The following LRRC7 variants were observed in gnomAD, a reference collection of about 807,000 sequenced individuals.
The protein encoded by LRRC7 is leucine rich repeat containing 7.
LRRC7 carries 23 observed loss-of-function variants against 175.7 expected under a neutral mutation model. That is an observed-to-expected ratio of 0.13 (90% CI 0.09 to 0.19). LRRC7 has a LOEUF of 0.19. Among genes scored for constraint, LRRC7 ranks in the 10% least tolerant of loss-of-function variants. LRRC7 has a pLI of 1.00. For synonymous variants in LRRC7, 685 were observed against 680.9 expected, an observed-to-expected ratio of 1.01 and a Z score of -0.09; for missense variants, 1,354 against 1,904.7, an observed-to-expected ratio of 0.71 and a Z score of 5.38.
chr1:70,022,870 A>G (rs1473635005), intron 16 of LRRC7, among the ~76,000 whole-genome samples: 1 of 152,172 alleles, frequency 6.6e-6, no homozygotes, highest in African/African-American at 2.4e-5. Context: ...CAACTTTCAA[A>G]TGGACTAGAG....
chr1:69,785,829 C>T (rs1674348475), intron 3 of LRRC7, among the ~76,000 whole-genome samples: 1 of 152,074 alleles, frequency 6.6e-6, no homozygotes, highest in Admixed American at 6.6e-5. Context: ...TGCCTTCCAA[C>T]AATTCTGAAA....
chr1:69,890,588 C>G (rs545367402), intron 7 of LRRC7, among the ~76,000 whole-genome samples: 70 of 152,292 alleles, frequency 4.6e-4, no homozygotes, highest in Non-Finnish European at 8.8e-4. Context: ...CTCTAATAAG[C>G]GAGTCAGACT....
intron 7 of LRRC7, chr1:69,879,831 G>A (rs896780024): frequency 2.6e-5 from 4 of 152,246 alleles, no homozygotes; most frequent in Non-Finnish European, 4.4e-5. Flanking sequence ...AAATTCTCAG[G>A]AACAATCCCA....
intron 2 of LRRC7, among the ~76,000 whole-genome samples, chr1:69,750,397 T>C (rs1413687440): frequency 6.6e-6 from 1 of 152,180 alleles, no homozygotes; most frequent in Non-Finnish European, 1.5e-5. Context: ...TTGTCACACA[T>C]TGTACACTTG....
chr1:69,743,476 G>A (rs1042603316), intron 2 of LRRC7, among the ~76,000 whole-genome samples: 4 of 151,950 alleles, frequency 2.6e-5, no homozygotes, highest in African/African-American at 7.2e-5. Context: ...ATATATGTAG[G>A]GTAGGCCATG....
At chr1:69,867,269 G>A (rs1316965709) in intron 7 of LRRC7, among the ~76,000 whole-genome samples, 2 of 151,974 alleles carry the variant, frequency 1.3e-5, no homozygotes, top group African/African-American at 4.8e-5. Context: ...TTCCAATCTT[G>A]GGATGGAATC....
intron 2 of LRRC7, among the ~76,000 whole-genome samples, chr1:69,700,013 C>T (rs1381061344): frequency 6.6e-6 from 1 of 152,180 alleles, no homozygotes; most frequent in Non-Finnish European, 1.5e-5. Context: ...AAAATGTACT[C>T]ATGTTATGGT....
intron 4 of LRRC7, among the ~76,000 whole-genome samples, chr1:69,809,557 C>T (rs926913995): frequency 6.6e-6 from 1 of 152,138 alleles, no homozygotes; most frequent in Non-Finnish European, 1.5e-5. Flanking sequence ...TCCAGCAGCA[C>T]ATTAAAAAGC....
intron 4 of LRRC7, among the ~76,000 whole-genome samples, chr1:69,819,509 T>C (rs974408845): frequency 6.6e-6 from 1 of 151,924 alleles, no homozygotes; most frequent in African/African-American, 2.4e-5. Flanking sequence ...GAATATTTCA[T>C]GTGTGCTTGA....
At chr1:69,577,972 T>G (rs981843443) in intron 1 of LRRC7, among the ~76,000 whole-genome samples, 3 of 152,070 alleles carry the variant, frequency 2.0e-5, no homozygotes, top group Non-Finnish European at 2.9e-5. Flanking sequence ...ACCTTGGGCA[T>G]TATGGCCATT....
intron 7 of LRRC7, among the ~76,000 whole-genome samples, chr1:69,905,221 G>A (rs151249703): frequency 6.6e-6 from 1 of 151,274 alleles, no homozygotes; most frequent in East Asian, 1.9e-4. Flanking sequence ...TGGGATTGCT[G>A]GATCAAATGG....
intron 25 of LRRC7, among the ~76,000 whole-genome samples, chr1:70,091,172 A>G (rs983361697): frequency 6.6e-6 from 1 of 152,144 alleles, no homozygotes; most frequent in Non-Finnish European, 1.5e-5. Context: ...TAACTAGCAT[A>G]TTTCCATTTT....
At chr1:69,789,005 CAAAT>C (rs1208488674) in intron 3 of LRRC7, among the ~76,000 whole-genome samples, 1 of 152,084 alleles carries the variant, frequency 6.6e-6, no homozygotes, top group Admixed American at 6.6e-5. Context: ...TTTTCATGAA[CAAAT>C]GAATGAATGA....
At position 69,812,243 on chromosome 1, in the gene LRRC7, CTT is replaced by C. The variant is rs1307274471; in HGVS notation, c.422-13504_422-13503del. On this transcript the variant is annotated intron_variant, in intron 4 of 26. Coordinates refer to ENST00000651989, the MANE Select transcript of LRRC7 (RefSeq NM_001370785.2). The stretch of plus-strand genomic sequence containing the variant: ...CATCGCCAGTCTTGTGTAGCTAAAA[CTT>C]ATATCCCAACGTAGTTTAAATCCTA... Among the ~76,000 whole-genome samples the C allele has an allele frequency of 5.9e-5, 9 of 152,212 alleles. No homozygotes were observed. The East Asian group carries it at 1.5e-3, about 26-fold the overall frequency.
chr1:70,068,001 A>AT (rs1662105073), intron 23 of LRRC7, among the ~76,000 whole-genome samples: 1 of 151,966 alleles, frequency 6.6e-6, no homozygotes, highest in South Asian at 2.1e-4. Context: ...TTAGTTTTAG[A>AT]TTTTTTGGTT....
At chr1:69,844,815 C>G (rs557787804) in intron 7 of LRRC7, among the ~76,000 whole-genome samples, 7 of 151,944 alleles carry the variant, frequency 4.6e-5, no homozygotes, top group African/African-American at 1.7e-4. Flanking sequence ...TCCAGTATAA[C>G]AAAGGGAACA....
At chr1:69,966,359 C>A (rs1651666802) in intron 8 of LRRC7, among the ~76,000 whole-genome samples, 1 of 152,110 alleles carries the variant, frequency 6.6e-6, no homozygotes, top group Non-Finnish European at 1.5e-5. Flanking sequence ...TAATCTCATA[C>A]AATTTTAAAA....
chr1:69,669,194 A>G (rs1422777530), intron 1 of LRRC7, among the ~76,000 whole-genome samples: 1 of 151,958 alleles, frequency 6.6e-6, no homozygotes, highest in Non-Finnish European at 1.5e-5. Flanking sequence ...ATGGTGTCTT[A>G]TTGCTCATTA....
chr1:69,663,700 A>AT (rs552339451), intron 1 of LRRC7, among the ~76,000 whole-genome samples: 4,441 of 67,656 alleles, frequency 0.066, 626 homozygotes, highest in East Asian at 0.09. Context: ...AATCGTTTTA[A>AT]TTTTTTTTTT....
Sources: gnomAD v4.1 joint callset for allele counts (sites outside exome capture counted in the v4.1 genomes callset) on GRCh38, gnomAD v4.1.1 for gene constraint, MANE v1.5 for transcripts, NCBI Gene and HGNC (gene_info 2026-07-23, HGNC 2026-07-21) for gene names.